The following ADGRV1 variants were observed in gnomAD, a reference collection of about 807,000 sequenced individuals.
ADGRV1 encodes the protein adhesion G protein-coupled receptor V1, also known as G-protein coupled receptor 98.
A neutral mutation model predicts 596.2 loss-of-function variants in ADGRV1; 359 were observed. The observed-to-expected ratio is 0.60, with a 90% CI of 0.55 to 0.66. ADGRV1 has a LOEUF of 0.66. Ranked by LOEUF, ADGRV1 falls within the 30% of genes least tolerant of loss-of-function variation. The pLI is 0.00. For synonymous variants in ADGRV1, 2,681 were observed against 2,679.2 expected, an observed-to-expected ratio of 1.00 and a Z score of -0.02; for missense variants, 7,274 against 7,575.6, an observed-to-expected ratio of 0.96 and a Z score of 1.48.
intron 77 of ADGRV1, among the ~76,000 whole-genome samples, chr5:90,835,439 G>A (rs1764894927): frequency 6.6e-6 from 1 of 152,204 alleles, no homozygotes; most frequent in Non-Finnish European, 1.5e-5. Flanking sequence ...AGCTGCCAGA[G>A]GGTTGATTCA....
chr5:90,596,189 A>G (rs1306623224), intron 1 of ADGRV1, among the ~76,000 whole-genome samples: 2 of 129,302 alleles, frequency 1.5e-5, no homozygotes, highest in Non-Finnish European at 3.2e-5. Flanking sequence ...ATCCCAGACG[A>G]TGGGCGGCCG....
intron 70 of ADGRV1, chr5:90,792,573 A>G (rs1760205391): frequency 6.6e-6 from 1 of 152,148 alleles, no homozygotes; most frequent in South Asian, 2.1e-4. Flanking sequence ...AATGATGTAC[A>G]ATGTAACCAA....
chr5:90,632,364 G>T (rs1436012726), intron 9 of ADGRV1, among the ~76,000 whole-genome samples: 1 of 152,096 alleles, frequency 6.6e-6, no homozygotes, highest in Non-Finnish European at 1.5e-5. Context: ...TGTTGTTTTG[G>T]AGTTACAGAG....
intron 65 of ADGRV1, among the ~76,000 whole-genome samples, chr5:90,782,659 G>T (rs1048752646): frequency 6.6e-6 from 1 of 152,010 alleles, no homozygotes; most frequent in Non-Finnish European, 1.5e-5. Context: ...AATTGTACTT[G>T]TATCTGGACT....
chr5:90,655,461 T>G (rs1393975702), intron 20 of ADGRV1: 1 of 152,196 alleles, frequency 6.6e-6, no homozygotes, highest in Non-Finnish European at 1.5e-5. Context: ...GTTTTGGTTG[T>G]TTTCTGTTCT....
At chr5:90,855,567 T>A in intron 81 of ADGRV1, among the ~76,000 whole-genome samples, 174 bp from the exon 82 acceptor site, 1 of 152,184 alleles carries the variant, frequency 6.6e-6, no homozygotes, top group East Asian at 1.9e-4. Context: ...GTGGAATCTG[T>A]CATGTCATGT....
intron 18 of ADGRV1, among the ~76,000 whole-genome samples, chr5:90,652,135 GAAGAC>G (rs1768719299): frequency 6.6e-6 from 1 of 152,096 alleles, no homozygotes; most frequent in Non-Finnish European, 1.5e-5. Context: ...TTTGGATTTT[GAAGAC>G]AAGACTTTTA....
At chr5:91,064,735 T>C (rs1787738423) in intron 85 of ADGRV1, among the ~76,000 whole-genome samples, 2 of 152,332 alleles carry the variant, frequency 1.3e-5, no homozygotes, top group South Asian at 4.1e-4. Flanking sequence ...AGGAATATAT[T>C]TTCCTACCTT....
At chr5:90,764,753 G>T (rs867391985) in intron 59 of ADGRV1, among the ~76,000 whole-genome samples, 6 of 152,170 alleles carry the variant, frequency 3.9e-5, no homozygotes, top group Non-Finnish European at 7.3e-5. Flanking sequence ...AGGAGATCTG[G>T]TGGTACAGTG....
intron 6 of ADGRV1, chr5:90,626,491 AT>A (rs1332927396): frequency 3.9e-5 from 6 of 152,010 alleles, no homozygotes; most frequent in African/African-American, 1.4e-4. Context: ...AAAAGCATGC[AT>A]TTTTTTCACT....
chr5:90,994,060 CT>C (rs542927882), intron 85 of ADGRV1, among the ~76,000 whole-genome samples: 200 of 134,568 alleles, frequency 1.5e-3, no homozygotes, highest in Middle Eastern at 3.9e-3. Context: ...CTTTTCTTTT[CT>C]TTTTTTTTTT....
intron 67 of ADGRV1, 63 bp from the exon 68 acceptor site, chr5:90,788,008 A>G: frequency 8.0e-7 from 1 of 1,256,370 alleles, no homozygotes; most frequent in Non-Finnish European, 1.1e-6. Context: ...GATACCCTGA[A>G]ATAGTTTTTT....
At chr5:90,815,932 T>G (rs1267256301) in intron 75 of ADGRV1, among the ~76,000 whole-genome samples, 196 bp downstream of exon 75, 1 of 152,174 alleles carries the variant, frequency 6.6e-6, no homozygotes, top group African/African-American at 2.4e-5. Context: ...TTACCTTGAG[T>G]GTTTTCTACT....
intron 44 of ADGRV1, 120 bp from the exon 45 acceptor site, chr5:90,720,815 C>T (rs966469923): frequency 4.2e-6 from 3 of 713,226 alleles, no homozygotes; most frequent in Non-Finnish European, 6.2e-6. Flanking sequence ...TTCTTATCAT[C>T]TCATCTTGGA....
intron 27 of ADGRV1, among the ~76,000 whole-genome samples, chr5:90,681,869 T>C (rs1404085097): frequency 2.8e-5 from 4 of 145,404 alleles, no homozygotes; most frequent in South Asian, 4.7e-4. Flanking sequence ...TTCCTTCCTT[T>C]CTTTCTTTCT....
intron 86 of ADGRV1, among the ~76,000 whole-genome samples, chr5:91,077,779 T>A (rs1008355338): frequency 6.6e-6 from 1 of 152,202 alleles, no homozygotes; most frequent in Non-Finnish European, 1.5e-5. Flanking sequence ...AATTTCAATA[T>A]CTCAAGCAGC....
chr5:91,115,428 G>A (rs1385906629), intron 87 of ADGRV1, among the ~76,000 whole-genome samples: 4 of 152,074 alleles, frequency 2.6e-5, no homozygotes, highest in Admixed American at 6.6e-5. Context: ...CTCCTGGGCC[G>A]GCATCCTAAG....
intron 85 of ADGRV1, among the ~76,000 whole-genome samples, chr5:91,058,035 A>G (rs192770042): frequency 6.6e-6 from 1 of 152,224 alleles, no homozygotes; most frequent in Non-Finnish European, 1.5e-5. Context: ...TGTTTCAGAC[A>G]TTTGCTTAAC....
intron 6 of ADGRV1, among the ~76,000 whole-genome samples, chr5:90,626,741 A>T (rs1764814413): frequency 6.6e-6 from 1 of 152,216 alleles, no homozygotes; most frequent in Non-Finnish European, 1.5e-5. Context: ...CACGTGTTTA[A>T]CTCCTGAATT....
Sources: allele counts gnomAD v4.1 joint callset (sites outside exome capture counted in the v4.1 genomes callset), GRCh38; gene constraint gnomAD v4.1.1; transcripts MANE v1.5; gene names NCBI Gene and HGNC (gene_info 2026-07-23, HGNC 2026-07-21).